CPQ: variants seen among roughly 807,000 people sequenced by gnomAD.
The protein encoded by CPQ is Ser-Met dipeptidase.
A neutral mutation model predicts 45.7 loss-of-function variants in CPQ; 37 were observed. The observed-to-expected ratio is 0.81, with a 90% CI of 0.62 to 1.07. The LOEUF (loss-of-function observed/expected upper bound fraction) is 1.07. Among genes scored for constraint, CPQ ranks in the 50% least tolerant of loss-of-function variants. The probability of loss-of-function intolerance (pLI) is 0.00; values close to 1 mark genes in which losing one functional copy is unlikely to be tolerated. For synonymous variants in CPQ, 186 were observed against 205.8 expected (o/e 0.90, Z 0.82); for missense variants, 537 against 572.9 (o/e 0.94, Z 0.64).
chr8:96,827,766 G>C (rs1393324820), intron 2 of CPQ, among the ~76,000 whole-genome samples: 2 of 151,966 alleles, frequency 1.3e-5, no homozygotes, highest in African/African-American at 4.8e-5. Context: ...GGATCAAAAG[G>C]CTGGTGAGCT....
At chr8:96,660,790 C>T (rs1563694709) in intron 1 of CPQ, among the ~76,000 whole-genome samples, 1 of 152,126 alleles carries the variant, frequency 6.6e-6, no homozygotes, top group Non-Finnish European at 1.5e-5. Flanking sequence ...CCTACCATAC[C>T]TATGAAATTT....
At chr8:96,945,307 T>C (rs1368248961) in intron 4 of CPQ, among the ~76,000 whole-genome samples, 1 of 152,152 alleles carries the variant, frequency 6.6e-6, no homozygotes, top group African/African-American at 2.4e-5. Flanking sequence ...CTGAGGGTTT[T>C]CTCATTTTGA....
intron 7 of CPQ, among the ~76,000 whole-genome samples, chr8:97,136,174 G>GTTT (rs1216369153): frequency 2.0e-5 from 3 of 150,452 alleles, no homozygotes; most frequent in African/African-American, 7.5e-5. Flanking sequence ...TGAGATGAGT[G>GTTT]TTTACAAAAA....
At chr8:96,714,219 A>G (rs1809648068) in intron 1 of CPQ, among the ~76,000 whole-genome samples, 2 of 152,226 alleles carry the variant, frequency 1.3e-5, no homozygotes, top group Admixed American at 1.3e-4. Context: ...CAATTATTCC[A>G]TCAAATAAGT....
At chr8:96,773,577 C>T (rs951164842) in intron 1 of CPQ, among the ~76,000 whole-genome samples, 11 of 151,934 alleles carry the variant, frequency 7.2e-5, no homozygotes, top group African/African-American at 1.4e-4. Flanking sequence ...GGTGGGGATA[C>T]GATATAAAGG....
chr8:96,830,591 T>C (rs1353014850), intron 2 of CPQ, among the ~76,000 whole-genome samples: 1 of 152,136 alleles, frequency 6.6e-6, no homozygotes, highest in Non-Finnish European at 1.5e-5. Flanking sequence ...AGTTACTTTA[T>C]AGTGAGTATT....
chr8:96,689,986 A>T lies in CPQ; in HGVS notation c.-35+44584A>T, dbSNP rs545022389. Among the ~76,000 whole-genome samples, 3 of 152,126 alleles carry T rather than the reference A, an allele frequency of 2.0e-5. No individual in the cohort carries two copies. In the South Asian group the frequency reaches 6.2e-4, roughly 32 times the overall value. On this transcript the variant is annotated intron_variant, in intron 1 of 7. Transcript: ENST00000220763. ...CTCTGTTTGGATTGTCTCCAATATG[A>T]CCTTCATTTCTCTGATGGTTTTATT...
At chr8:96,865,439 C>T (rs921676063) in intron 3 of CPQ, among the ~76,000 whole-genome samples, 1 of 151,990 alleles carries the variant, frequency 6.6e-6, no homozygotes, top group African/African-American at 2.4e-5. Context: ...AGCACATAGA[C>T]GTGTACCCAG....
At chr8:96,845,739 C>T (rs1811678137) in intron 3 of CPQ, among the ~76,000 whole-genome samples, 1 of 152,166 alleles carries the variant, frequency 6.6e-6, no homozygotes, top group South Asian at 2.1e-4. Flanking sequence ...ATTTACTCTT[C>T]TGAGATCAGA....
chr8:96,704,186 G>A (rs112957295), intron 1 of CPQ, among the ~76,000 whole-genome samples: 12 of 152,128 alleles, frequency 7.9e-5, no homozygotes, highest in Admixed American at 2.6e-4. Flanking sequence ...CCTTTGGCCC[G>A]GATTCTGATT....
intron 1 of CPQ, among the ~76,000 whole-genome samples, chr8:96,761,664 C>A (rs555081600): frequency 1.3e-5 from 2 of 152,282 alleles, no homozygotes; most frequent in East Asian, 3.9e-4. Flanking sequence ...TTGAGCACAT[C>A]ATTTATCATC....
chr8:97,115,624 C>T (rs965896719), intron 7 of CPQ, among the ~76,000 whole-genome samples: 1 of 152,140 alleles, frequency 6.6e-6, no homozygotes, highest in Admixed American at 6.6e-5. Context: ...ATTTGGCATT[C>T]GGTGAAGGAG....
At chr8:96,658,111 G>A (rs780976111) in intron 1 of CPQ, among the ~76,000 whole-genome samples, 2 of 152,094 alleles carry the variant, frequency 1.3e-5, no homozygotes, top group Admixed American at 6.5e-5. Context: ...GCTTTTTTGA[G>A]CTAAAGCTTA....
chr8:97,014,421 C>T (rs111731373), intron 5 of CPQ, among the ~76,000 whole-genome samples: 5 of 151,996 alleles, frequency 3.3e-5, no homozygotes, highest in African/African-American at 7.2e-5. Context: ...GAGGCCGAGG[C>T]GGGCAGATCA....
At chr8:96,884,662 G>A (rs778988043) in intron 4 of CPQ, among the ~76,000 whole-genome samples, 1 of 152,178 alleles carries the variant, frequency 6.6e-6, no homozygotes, top group Non-Finnish European at 1.5e-5. Flanking sequence ...ATGGTGAAAG[G>A]CAATGTCTGG....
chr8:97,087,143 T>G (rs1254655602), intron 7 of CPQ, among the ~76,000 whole-genome samples: 2 of 152,176 alleles, frequency 1.3e-5, no homozygotes, highest in Non-Finnish European at 2.9e-5. Flanking sequence ...ATGACCACAA[T>G]GGCTAATAGG....
intron 2 of CPQ, 71 bp from the exon 3 acceptor site, chr8:96,834,902 A>G: frequency 7.5e-7 from 1 of 1,332,368 alleles, no homozygotes; most frequent in Non-Finnish European, 1.1e-6. Flanking sequence ...CATGTATGTG[A>G]CCTTTCCTGT....
chr8:96,781,008 T>A (rs1182572005), intron 1 of CPQ, among the ~76,000 whole-genome samples: 1 of 152,198 alleles, frequency 6.6e-6, no homozygotes, highest in African/African-American at 2.4e-5. Flanking sequence ...AGGCTCTGCA[T>A]GCTGGCTTAT....
At chr8:96,770,411 A>C (rs528670028) in intron 1 of CPQ, among the ~76,000 whole-genome samples, 1 of 152,254 alleles carries the variant, frequency 6.6e-6, no homozygotes, top group African/African-American at 2.4e-5. Context: ...TGTTGAATTC[A>C]ATTTTCTTTC....
Sources: allele counts gnomAD v4.1 joint callset (sites outside exome capture counted in the v4.1 genomes callset), GRCh38; gene constraint gnomAD v4.1.1; transcripts MANE v1.5; gene names NCBI Gene and HGNC (gene_info 2026-07-23, HGNC 2026-07-21).